PAPPA: variants seen among roughly 807,000 people sequenced by gnomAD.
The protein encoded by PAPPA is pappalysin 1, also known as pappalysin-1.
In PAPPA, 60 loss-of-function variants were observed where a neutral mutation model predicts 164.0. The ratio of observed to expected loss-of-function variants is 0.37; its 90% CI spans 0.30 to 0.45. PAPPA has a LOEUF of 0.45. Ranked by LOEUF, PAPPA falls within the 20% of genes least tolerant of loss-of-function variation. The pLI is 1.00. For synonymous variants in PAPPA, 875 were observed against 814.1 expected, an observed-to-expected ratio of 1.07 and a Z score of -1.27; for missense variants, 1,782 against 2,087.3, an observed-to-expected ratio of 0.85 and a Z score of 2.85.
intron 4 of PAPPA, among the ~76,000 whole-genome samples, chr9:116,219,351 C>G (rs1483599225): frequency 2.6e-5 from 4 of 152,206 alleles, no homozygotes; most frequent in Non-Finnish European, 4.4e-5. Context: ...TCTTTCCATG[C>G]CCTTGGGCAC....
intron 10 of PAPPA, among the ~76,000 whole-genome samples, chr9:116,323,852 G>C (rs1358630956): frequency 6.6e-6 from 1 of 152,220 alleles, no homozygotes; most frequent in Non-Finnish European, 1.5e-5. Flanking sequence ...GCCCTTTGGA[G>C]ATGAATTCAT....
Position 116,367,711 on chromosome 9 carries a change from C to A in PAPPA, c.4562C>A (p.Thr1521Asn), listed in dbSNP as rs1171359514. 2.5e-6 allele frequency: 4 copies of A among 1,613,912 alleles called. No homozygotes were observed. The highest frequency in any genetic ancestry group is 3.4e-6 in the Non-Finnish European group (4 of 1,179,962). ...TCCATCATCCTGCCAATGAACGTGA[C>A]CGTGCGTGACATCCCCCACTGGCTG... ...SESIILPMNV[T>N]VRDIPHWLNP... Residue 1521 changes from threonine (T) to asparagine (N), a missense_variant, in exon 19 of 22, where the codon ACC becomes AAC. Thr to Asn is a moderately conservative substitution (Grantham distance 65). Transcript: ENST00000328252.
rs1480529532 is a variant in PAPPA, at chr9:116,382,496, A to G, written c.4776+3A>G. 1 of 1,598,666 alleles carries G rather than the reference A, an allele frequency of 6.3e-7. No individual in the cohort carries two copies. Among genetic ancestry groups the G allele is most frequent in the East Asian group, 2.2e-5 (1 of 44,818 alleles). ...CCTCCACAGTGAAGACCAAAAAGGT[A>G]GGCCAGTGTGCACTCCTCGGCAGCT... On this transcript the variant is annotated splice_donor_region_variant and intron_variant, in intron 21 of 21. Transcript: ENST00000328252.
intron 2 of PAPPA, among the ~76,000 whole-genome samples, chr9:116,195,728 C>T (rs972529928): frequency 1.6e-4 from 24 of 152,174 alleles, no homozygotes; most frequent in Non-Finnish European, 2.8e-4. Context: ...TAGATCTTCT[C>T]GCTTCTTATT....
At chr9:116,268,888 A>T (rs1478470439) in intron 8 of PAPPA, among the ~76,000 whole-genome samples, 1 of 151,868 alleles carries the variant, frequency 6.6e-6, no homozygotes, top group Non-Finnish European at 1.5e-5. Flanking sequence ...AAAAGAAGGG[A>T]TATCATCTTA....
Position 116,367,751 on chromosome 9 carries a change from A to C in PAPPA, c.4602A>C (p.Val1534=). 1 of 1,608,646 alleles carries C rather than the reference A, an allele frequency of 6.2e-7. No individual in the cohort carries two copies. The highest frequency in any genetic ancestry group is 8.5e-7 in the Non-Finnish European group (1 of 1,175,244). ...DIPHWLNPTR[V]ERVVCTAGLK... ...CCCACTGGCTGAACCCCACACGGGTAGAGGTGAGTGACCAGGGACATCTAC... is the reference window on the plus strand; with the variant it reads ...CCCACTGGCTGAACCCCACACGGGTCGAGGTGAGTGACCAGGGACATCTAC... The change falls in exon 19 of 22, where the codon GTA becomes GTC. Residue 1534 remains valine (V), a synonymous_variant. Coordinates refer to ENST00000328252, the MANE Select transcript of PAPPA (RefSeq NM_002581.5).
At chr9:116,210,075 C>T (rs868081769) in intron 3 of PAPPA, among the ~76,000 whole-genome samples, 13 of 152,162 alleles carry the variant, frequency 8.5e-5, no homozygotes, top group East Asian at 5.8e-4. Flanking sequence ...GGGTGGGAAG[C>T]GGATTATGTT....
rs577842704 is a variant in PAPPA at position 116,393,728 on chromosome 9, G to C, written c.4777-2781G>C. ...ATACTTGCGAAAAGACCTGGACAAT[G>C]AAAAAGAGCTGGCCAGGGAAGAGCA... is the stretch of plus-strand genomic sequence containing the variant. On this transcript the variant is annotated intron_variant, in intron 21 of 21. Coordinates refer to ENST00000328252, the MANE Select transcript of PAPPA (RefSeq NM_002581.5). Among the ~76,000 whole-genome samples, 65 of 152,254 alleles carry C rather than the reference G, an allele frequency of 4.3e-4. No individual in the cohort carries two copies. In the South Asian group the frequency reaches 0.013, roughly 30 times the overall value.
chr9:116,184,939 C>A (rs7871333), intron 1 of PAPPA, among the ~76,000 whole-genome samples: 1 of 152,110 alleles, frequency 6.6e-6, no homozygotes, highest in African/African-American at 2.4e-5. Flanking sequence ...GAGAAGAAAA[C>A]AGTTCGGCAG....
intron 1 of PAPPA, among the ~76,000 whole-genome samples, chr9:116,172,809 T>C (rs1370937275): frequency 6.6e-6 from 1 of 152,190 alleles, no homozygotes; most frequent in Non-Finnish European, 1.5e-5. Flanking sequence ...TGGTCACCAC[T>C]TCCAAACTTT....
At chr9:116,248,746 G>A (rs1488060632) in intron 7 of PAPPA, among the ~76,000 whole-genome samples, 1 of 152,150 alleles carries the variant, frequency 6.6e-6, no homozygotes, top group East Asian at 1.9e-4. Flanking sequence ...CTTGTGCAAG[G>A]CCAGACATCA....
At chr9:116,213,248 G>C (rs1321344615) in intron 4 of PAPPA, among the ~76,000 whole-genome samples, 1 of 152,150 alleles carries the variant, frequency 6.6e-6, no homozygotes, top group Non-Finnish European at 1.5e-5. Flanking sequence ...AGAGGAATTT[G>C]CTGCTGGAAC....
intron 2 of PAPPA, among the ~76,000 whole-genome samples, chr9:116,195,211 G>C (rs1456095110): frequency 6.6e-6 from 1 of 152,104 alleles, no homozygotes; most frequent in African/African-American, 2.4e-5. Flanking sequence ...CATATGGTTT[G>C]ATTTTCTCTG....
At chr9:116,360,347 T>G (rs567697582) in intron 17 of PAPPA, among the ~76,000 whole-genome samples, 1 of 152,322 alleles carries the variant, frequency 6.6e-6, no homozygotes, top group African/African-American at 2.4e-5. Flanking sequence ...GAGTGAACTC[T>G]GCAAGCCGCC....
chr9:116,189,833 C>T (rs1175526894), intron 2 of PAPPA, among the ~76,000 whole-genome samples: 1 of 152,184 alleles, frequency 6.6e-6, no homozygotes, highest in African/African-American at 2.4e-5. Context: ...GCAAGGGCCT[C>T]CCGTGCGTGA....
intron 7 of PAPPA, among the ~76,000 whole-genome samples, chr9:116,249,571 G>A (rs570269809): frequency 6.6e-6 from 1 of 152,200 alleles, no homozygotes; most frequent in East Asian, 1.9e-4. Flanking sequence ...AAGGATGGAG[G>A]CATAGATCAA....
chr9:116,331,483 A>C (rs1212978636), intron 11 of PAPPA, 126 bp downstream of exon 11: 5 of 643,698 alleles, frequency 7.8e-6, no homozygotes, highest in African/African-American at 7.2e-5. Flanking sequence ...AACAGGGAAC[A>C]AAACACTTAG....
At chr9:116,184,139 G>A (rs1232816368) in intron 1 of PAPPA, among the ~76,000 whole-genome samples, 1 of 152,124 alleles carries the variant, frequency 6.6e-6, no homozygotes, top group Non-Finnish European at 1.5e-5. Flanking sequence ...AGAGAGAGAA[G>A]GTGAGCTAAG....
intron 1 of PAPPA, among the ~76,000 whole-genome samples, chr9:116,158,595 C>G (rs1399068477): frequency 6.6e-6 from 1 of 152,192 alleles, no homozygotes; most frequent in East Asian, 1.9e-4. Context: ...ATGGAAGGTA[C>G]TTAAAACTGG....
Sources: gnomAD v4.1 joint callset for allele counts (sites outside exome capture counted in the v4.1 genomes callset) on GRCh38, gnomAD v4.1.1 for gene constraint, MANE v1.5 for transcripts, NCBI Gene and HGNC (gene_info 2026-07-23, HGNC 2026-07-21) for gene names.